The following CPZ variants were observed in gnomAD, a reference collection of about 807,000 sequenced individuals.
CPZ encodes the protein VEZT/CPZ fusion.
CPZ carries 103 observed loss-of-function variants against 61.8 expected under a neutral mutation model. The observed-to-expected ratio is 1.67, with a 90% CI of 1.42 to 1.96. The LOEUF is 1.96. Ranked by LOEUF, CPZ falls within the 30% of genes most tolerant of loss-of-function variation. The pLI is 0.00. For synonymous variants in CPZ, 551 were observed against 373.7 expected (o/e 1.47, Z -5.47); for missense variants, 1,461 against 914.9 (o/e 1.60, Z -7.70).
chr4:8,618,415 C>G lies in CPZ; in HGVS notation c.1504-14C>G, dbSNP rs760149561. The G allele has an allele frequency of 8.1e-6, 13 of 1,613,534 alleles. No individual in the cohort carries two copies. In the East Asian group the frequency reaches 2.5e-4, roughly 30 times the overall value. ...GCTCACGCCATCTCCCTGGCCTCCC[C>G]TTGGTCTCTTCAGGTGCACCGGGGC... On this transcript the variant is annotated splice_polypyrimidine_tract_variant and intron_variant, in intron 9 of 10. Coordinates refer to ENST00000360986, the MANE Select transcript of CPZ (RefSeq NM_001014447.3).
At chr4:8,609,248 A>G (rs1413612762) in intron 7 of CPZ, among the ~76,000 whole-genome samples, 10 of 65,674 alleles carry the variant, frequency 1.5e-4, no homozygotes, top group East Asian at 5.3e-4. Context: ...TCATTCACTC[A>G]TCACTCACTC....
At chr4:8,598,890 C>T (rs1046364677) in intron 1 of CPZ, among the ~76,000 whole-genome samples, 1 of 152,120 alleles carries the variant, frequency 6.6e-6, no homozygotes, top group Non-Finnish European at 1.5e-5. Flanking sequence ...GGAAGAGGGC[C>T]CCTGATTCAG....
intron 4 of CPZ, among the ~76,000 whole-genome samples, chr4:8,604,505 G>T (rs1015401071): frequency 6.6e-6 from 1 of 152,220 alleles, no homozygotes; most frequent in African/African-American, 2.4e-5. Context: ...TTTTGAGACA[G>T]AGTTTTGCTC....
At chr4:8,599,341 G>A (rs557318537) in intron 1 of CPZ, 112 bp from the exon 2 acceptor site, 37 of 1,279,414 alleles carry the variant, frequency 2.9e-5, no homozygotes, top group South Asian at 8.4e-5. Context: ...TGGAGCTGGC[G>A]GAGGGTGGCC....
chr4:8,599,760 G>T, intron 2 of CPZ: 1 of 604,944 alleles, frequency 1.7e-6, no homozygotes, highest in Admixed American at 3.7e-5. Flanking sequence ...AGTCCCCACT[G>T]CAGTCACACG....
intron 7 of CPZ, 35 bp downstream of exon 7, chr4:8,607,460 GAC>G (rs1577117466): frequency 6.2e-7 from 1 of 1,606,766 alleles, no homozygotes; most frequent in Non-Finnish European, 8.5e-7. Context: ...AGGGGAGGGA[GAC>G]AGTGTGCGCG....
At chr4:8,604,235 G>A in intron 4 of CPZ, 47 bp downstream of exon 4, 1 of 1,470,280 alleles carries the variant, frequency 6.8e-7, no homozygotes, top group Non-Finnish European at 9.1e-7. Flanking sequence ...TCGGGAAAGG[G>A]CTTGGGCCGC....
At chr4:8,619,210 T>C in intron 10 of CPZ, 52 bp from the exon 11 acceptor site, 3 of 1,472,340 alleles carry the variant, frequency 2.0e-6, no homozygotes, top group Non-Finnish European at 2.8e-6. Flanking sequence ...CATCACCCCG[T>C]GGCTGGGTCT....
chr4:8,609,467 G>T (rs992169428), intron 7 of CPZ, among the ~76,000 whole-genome samples: 1 of 136,812 alleles, frequency 7.3e-6, no homozygotes, highest in African/African-American at 3.7e-5. Context: ...CACACCAAGG[G>T]TGCGAGGGGT....
rs1388759972 is a variant in CPZ at position 8,604,066 on chromosome 4, T to C, written c.587T>C (p.Val196Ala). The C allele has an allele frequency of 6.2e-7, 1 of 1,611,332 alleles. No individual in the cohort carries two copies. The highest frequency in any genetic ancestry group is 8.5e-7 in the Non-Finnish European group (1 of 1,179,592). Residue 196 changes from valine to alanine, a missense_variant, in exon 4 of 11, where the codon GTG becomes GCG. Coordinates refer to ENST00000360986, the MANE Select transcript of CPZ (RefSeq NM_001014447.3). ...CACTCCTACGCCCAGATGGTGCGTGTGCTGAGGCGGACGGCCTCCCGCTGC... is the reference window on the plus strand; with the variant it reads ...CACTCCTACGCCCAGATGGTGCGTGCGCTGAGGCGGACGGCCTCCCGCTGC... The part of the protein sequence containing the change: ...SHHSYAQMVR[V>A]LRRTASRCAH...
At chr4:8,617,031 T>G (rs1361229392) in intron 9 of CPZ, among the ~76,000 whole-genome samples, 1 of 152,170 alleles carries the variant, frequency 6.6e-6, no homozygotes, top group East Asian at 1.9e-4. Context: ...TTTGTGGAGC[T>G]AGACTGGGTG....
chr4:8,598,680 G>A (rs528433989), intron 1 of CPZ, among the ~76,000 whole-genome samples: 1 of 152,248 alleles, frequency 6.6e-6, no homozygotes, highest in Non-Finnish European at 1.5e-5. Context: ...TCCCCGCCTT[G>A]GATGCGTTCT....
intron 9 of CPZ, among the ~76,000 whole-genome samples, chr4:8,617,749 T>G (rs1716303391): frequency 6.6e-6 from 1 of 152,154 alleles, no homozygotes; most frequent in African/African-American, 2.4e-5. Context: ...TTCAGCATCC[T>G]TGGACCCCAC....
At chr4:8,606,519 G>A (rs958376606) in intron 5 of CPZ, among the ~76,000 whole-genome samples, 18 of 152,164 alleles carry the variant, frequency 1.2e-4, no homozygotes, top group African/African-American at 4.3e-4. Context: ...GCCCCACTCA[G>A]GGGGAGCAGC....
intron 7 of CPZ, among the ~76,000 whole-genome samples, chr4:8,608,641 C>CGTGTGTGTGTGTGTGTGTATGCCT (rs57341669): frequency 5.3e-5 from 8 of 151,536 alleles, no homozygotes; most frequent in South Asian, 2.1e-4. Context: ...TGTGAGTGCA[C>CGTGTGTGTGTGTGTGTGTATGCCT]GTGTGTGCGT....
At chr4:8,608,306 C>T (rs1560296960) in intron 7 of CPZ, among the ~76,000 whole-genome samples, 3 of 152,184 alleles carry the variant, frequency 2.0e-5, no homozygotes, top group Admixed American at 2.0e-4. Flanking sequence ...CCTCCACCTC[C>T]CTCCCTGCAC....
At chr4:8,596,702 GT>G (rs1291783664) in intron 1 of CPZ, among the ~76,000 whole-genome samples, 1 of 152,214 alleles carries the variant, frequency 6.6e-6, no homozygotes, top group Non-Finnish European at 1.5e-5. Context: ...ACGGGCAGTG[GT>G]TCATCCTGGA....
At position 8,612,181 on chromosome 4, in the gene CPZ, G is replaced by A. The variant is rs34978619; in HGVS notation, c.1363+19G>A. 0.28 allele frequency: 288,729 copies of A among 1,045,638 alleles called. 42,995 individuals are homozygous for A. The highest frequency in any genetic ancestry group is 0.31 in the Non-Finnish European group (243,077 of 786,166). The allele number at this position is 1,045,638 out of a possible 1,614,324, so 64.8% of individuals were successfully genotyped here. A position where few individuals can be genotyped will look rare whatever the true frequency, so the allele number is the denominator to read the frequency against. ...ACGGGAGGTGCGGCTTCCGCAGGGC[G>A]GGACTGGGCGGGGGGTGGGGGGTGC... On this transcript the variant is annotated intron_variant, in intron 8 of 10. Coordinates refer to ENST00000360986, the MANE Select transcript of CPZ (RefSeq NM_001014447.3).
intron 7 of CPZ, 79 bp downstream of exon 7, chr4:8,607,504 G>C (rs751043371): frequency 7.3e-6 from 11 of 1,510,068 alleles, no homozygotes; most frequent in Non-Finnish European, 9.8e-6. Context: ...CTCCAGTCCT[G>C]AGCTCAGTGA....
Sources: allele counts gnomAD v4.1 joint callset (sites outside exome capture counted in the v4.1 genomes callset), GRCh38; gene constraint gnomAD v4.1.1; transcripts MANE v1.5; gene names NCBI Gene and HGNC (gene_info 2026-07-23, HGNC 2026-07-21).